Variants in SOX6 observed in about 807,000 individuals in gnomAD.
SOX6 encodes the protein SRY-box transcription factor 6, also known as transcription factor SOX-6.
A neutral mutation model predicts 97.8 loss-of-function variants in SOX6; 11 were observed. That is an observed-to-expected ratio of 0.11 (90% CI 0.07 to 0.19). The LOEUF (loss-of-function observed/expected upper bound fraction) is 0.19, where lower values mean the gene tolerates loss of function less well. Among genes scored for constraint, SOX6 ranks in the 10% least tolerant of loss-of-function variants. SOX6 has a pLI of 1.00. For missense variants in SOX6, 810 were observed against 1,039.5 expected (o/e 0.78, Z 3.04); for synonymous variants, 360 against 371.4 (o/e 0.97, Z 0.35).
At chr11:16,635,199 G>C (rs1848766951) in intron 3 of SOX6, among the ~76,000 whole-genome samples, 1 of 152,224 alleles carries the variant, frequency 6.6e-6, no homozygotes, top group Admixed American at 6.5e-5. Flanking sequence ...GTAACAGGCA[G>C]AGGTTAGAAC....
At chr11:16,022,335 C>T (rs867426714) in intron 12 of SOX6, among the ~76,000 whole-genome samples, 19 of 120,726 alleles carry the variant, frequency 1.6e-4, no homozygotes, top group Non-Finnish European at 3.5e-5. Context: ...TCCTTCTTTC[C>T]TTCCTTCCTT....
intron 14 of SOX6, 128 bp from the exon 15 acceptor site, chr11:15,986,548 C>T: frequency 1.3e-6 from 1 of 798,842 alleles, no homozygotes; most frequent in East Asian, 2.6e-5. Context: ...CCACATACCA[C>T]TGGCTGTCCC....
intron 12 of SOX6, chr11:16,023,364 T>C (rs182078721): frequency 2.2e-4 from 34 of 152,326 alleles, no homozygotes; most frequent in African/African-American, 6.7e-4. Context: ...CTAGGCTCTC[T>C]GGTTGTTAAT....
At chr11:16,366,664 T>C (rs2134385726) in intron 1 of SOX6, among the ~76,000 whole-genome samples, 1 of 152,290 alleles carries the variant, frequency 6.6e-6, no homozygotes, top group Non-Finnish European at 1.5e-5. Flanking sequence ...CATTGAGATA[T>C]ACACAAATTT....
chr11:16,581,531 C>A (rs924824158), intron 4 of SOX6, among the ~76,000 whole-genome samples: 12 of 152,082 alleles, frequency 7.9e-5, no homozygotes, highest in Admixed American at 2.6e-4. Context: ...TTGAGAGGTG[C>A]AGCAAACTAC....
At chr11:16,632,664 C>CCTA (rs1348955908) in intron 3 of SOX6, among the ~76,000 whole-genome samples, 3 of 152,222 alleles carry the variant, frequency 2.0e-5, no homozygotes, top group Non-Finnish European at 2.9e-5. Flanking sequence ...AATAGGTGAG[C>CCTA]ACCAAGCACT....
intron 6 of SOX6, among the ~76,000 whole-genome samples, chr11:16,158,389 T>A (rs1489052112): frequency 6.6e-6 from 1 of 152,050 alleles, no homozygotes; most frequent in Non-Finnish European, 1.5e-5. Context: ...AAAATGAAAC[T>A]GATGCCAAAA....
At chr11:16,383,845 T>C (rs1402485269) in intron 1 of SOX6, among the ~76,000 whole-genome samples, 2 of 151,918 alleles carry the variant, frequency 1.3e-5, no homozygotes, top group African/African-American at 2.4e-5. Flanking sequence ...AGGACTGATA[T>C]TGCTAAAGGC....
intron 4 of SOX6, among the ~76,000 whole-genome samples, chr11:16,513,837 A>G (rs1860918693): frequency 6.6e-6 from 1 of 152,208 alleles, no homozygotes; most frequent in Non-Finnish European, 1.5e-5. Context: ...CCACAAATAA[A>G]AAAGATGAGA....
intron 7 of SOX6, 41 bp from the exon 8 acceptor site, chr11:16,097,729 A>T: frequency 6.5e-7 from 1 of 1,541,800 alleles, no homozygotes; most frequent in Non-Finnish European, 9.0e-7. Context: ...GACAATGCAC[A>T]GGGAATTGCA....
chr11:16,445,100 T>A (rs1272335292), intron 1 of SOX6, among the ~76,000 whole-genome samples: 2 of 152,228 alleles, frequency 1.3e-5, no homozygotes, highest in Non-Finnish European at 2.9e-5. Flanking sequence ...TAGCATTATA[T>A]GATTCTAAGA....
intron 3 of SOX6, among the ~76,000 whole-genome samples, chr11:16,654,804 A>T (rs1847701053): frequency 6.6e-6 from 1 of 152,146 alleles, no homozygotes; most frequent in African/African-American, 2.4e-5. Context: ...TCACCTCATT[A>T]CTTCATTACT....
At position 16,730,547 on chromosome 11, in the gene SOX6, T is replaced by C. The variant is rs566585547; in HGVS notation, n.353+5792A>G. On this transcript the variant is annotated intron_variant and non_coding_transcript_variant, in intron 2 of 5. Coordinates refer to the SOX6 transcript ENST00000524520. ...AAATAAATAAGTTCTTTGAAACCAA[T>C]GAGAACAAAGACACAATGTACCAGA... 2.0e-5 allele frequency among the ~76,000 whole-genome samples: 3 copies of C among 152,230 alleles called. No individual in the cohort carries two copies. The East Asian group carries it at 5.8e-4, about 29-fold the overall frequency.
At chr11:16,317,300 A>G (rs1329783359) in intron 3 of SOX6, 1 of 151,406 alleles carries the variant, frequency 6.6e-6, no homozygotes, top group Admixed American at 6.6e-5. Flanking sequence ...ATAAGTTTAT[A>G]GTTAATATTC....
intron 3 of SOX6, among the ~76,000 whole-genome samples, chr11:16,643,955 C>T (rs970226156): frequency 2.0e-5 from 3 of 152,220 alleles, no homozygotes; most frequent in Admixed American, 6.5e-5. Flanking sequence ...GAGATGAACC[C>T]AGTACCTCAG....
chr11:16,261,445 G>C (rs563363219), intron 3 of SOX6, among the ~76,000 whole-genome samples: 3 of 151,972 alleles, frequency 2.0e-5, no homozygotes, highest in Non-Finnish European at 2.9e-5. Context: ...CAAAAGGTTG[G>C]CTATGCTTAG....
At chr11:16,525,607 G>A (rs1182704898) in intron 4 of SOX6, among the ~76,000 whole-genome samples, 2 of 151,322 alleles carry the variant, frequency 1.3e-5, no homozygotes, top group African/African-American at 4.9e-5. Context: ...AAAAGCAATG[G>A]CAACAAAAGC....
intron 3 of SOX6, among the ~76,000 whole-genome samples, chr11:16,697,735 G>A (rs1447795819): frequency 6.6e-6 from 1 of 152,184 alleles, no homozygotes; most frequent in African/African-American, 2.4e-5. Context: ...TTACTCCTTG[G>A]TCCATGGGCT....
chr11:16,004,937 T>C (rs1408938732), intron 13 of SOX6, among the ~76,000 whole-genome samples: 1 of 152,080 alleles, frequency 6.6e-6, no homozygotes, highest in East Asian at 1.9e-4. Context: ...GCAGCATCTT[T>C]GTGAGAAATA....
Sources: gnomAD v4.1 joint callset for allele counts (sites outside exome capture counted in the v4.1 genomes callset) on GRCh38, gnomAD v4.1.1 for gene constraint, MANE v1.5 for transcripts, NCBI Gene and HGNC (gene_info 2026-07-23, HGNC 2026-07-21) for gene names.